ARHGAP6: variants seen among roughly 807,000 people sequenced by gnomAD.
ARHGAP6 encodes the protein rho GTPase-activating protein 6.
ARHGAP6 carries 16 observed loss-of-function variants against 55.7 expected under a neutral mutation model. The observed-to-expected ratio is 0.29, with a 90% CI of 0.19 to 0.44. The LOEUF (loss-of-function observed/expected upper bound fraction) is 0.44. Among genes scored for constraint, ARHGAP6 ranks in the 20% least tolerant of loss-of-function variants. The probability of loss-of-function intolerance (pLI) is 1.00; values close to 1 mark genes in which losing one functional copy is unlikely to be tolerated. For synonymous variants in ARHGAP6, 382 were observed against 360.9 expected, an observed-to-expected ratio of 1.06 and a Z score of -0.66; for missense variants, 698 against 808.9, an observed-to-expected ratio of 0.86 and a Z score of 1.66.
chrX:11,503,898 A>C (rs1309827535), intron 1 of ARHGAP6, among the ~76,000 whole-genome samples: 3 of 111,696 alleles, frequency 2.7e-5, no homozygotes, highest in Non-Finnish European at 3.8e-5. Context: ...ACACATGCAC[A>C]CACACATCTG....
intron 1 of ARHGAP6, among the ~76,000 whole-genome samples, chrX:11,567,203 C>T (rs2051451941): frequency 9.0e-6 from 1 of 111,374 alleles, no homozygotes; most frequent in African/African-American, 3.3e-5. Context: ...TTTGGGTTCT[C>T]CTACAAGTGG....
intron 1 of ARHGAP6, among the ~76,000 whole-genome samples, chrX:11,450,918 C>T (rs376574946): frequency 9.0e-6 from 1 of 111,528 alleles, no homozygotes; most frequent in South Asian, 3.8e-4. Context: ...ATTTCCCCAC[C>T]GCTGACCTCC....
intron 1 of ARHGAP6, among the ~76,000 whole-genome samples, chrX:11,483,659 TTTC>T (rs1319963074): frequency 1.7e-4 from 19 of 111,316 alleles, no homozygotes; most frequent in Non-Finnish European, 3.4e-4. Context: ...TTTTTTTTCT[TTTC>T]TTTTCACTTA....
At chrX:11,493,356 T>A (rs2050590672) in intron 1 of ARHGAP6, among the ~76,000 whole-genome samples, 1 of 111,647 alleles carries the variant, frequency 9.0e-6, no homozygotes, top group Non-Finnish European at 1.9e-5. Flanking sequence ...CCAGAGCCCA[T>A]CCCAAAAGCT....
chrX:11,293,277 T>G (rs2048025309), intron 1 of ARHGAP6: 1 of 112,361 alleles, frequency 8.9e-6, no homozygotes, highest in Admixed American at 9.4e-5. Flanking sequence ...TACAGCCTTA[T>G]GTCTGATCAT....
chrX:11,167,033 T>C (rs1290368380), intron 9 of ARHGAP6, among the ~76,000 whole-genome samples: 1 of 112,076 alleles, frequency 8.9e-6, no homozygotes, highest in Non-Finnish European at 1.9e-5. Flanking sequence ...AATTTCTCCA[T>C]GCCCAAATCT....
intron 2 of ARHGAP6, among the ~76,000 whole-genome samples, chrX:11,224,771 G>A (rs1298555462): frequency 9.0e-6 from 1 of 110,726 alleles, no homozygotes; most frequent in Non-Finnish European, 1.9e-5. Context: ...ATTGGGTGTT[G>A]GGTCCCTACA....
chrX:11,611,302 A>G lies in ARHGAP6; in HGVS notation c.588+52939T>C. 2.7e-5 allele frequency among the ~76,000 whole-genome samples: 3 copies of G among 112,460 alleles called. No homozygotes were observed. In the South Asian group the frequency reaches 1.1e-3, roughly 42 times the overall value. ...TTACTAAGAACCCATAATAAAAGACACTTTACAAGAGAATAGAAGACCTTG... is the reference window on the plus strand; with the variant it reads ...TTACTAAGAACCCATAATAAAAGACGCTTTACAAGAGAATAGAAGACCTTG... On this transcript the variant is annotated intron_variant, in intron 1 of 12. Coordinates refer to ENST00000337414, the MANE Select transcript of ARHGAP6 (RefSeq NM_013427.3).
chrX:11,273,712 T>G (rs752825548), intron 1 of ARHGAP6, among the ~76,000 whole-genome samples: 5 of 111,014 alleles, frequency 4.5e-5, no homozygotes, highest in Non-Finnish European at 7.6e-5. Context: ...CATAAAAATT[T>G]GTAGTCACCA....
intron 1 of ARHGAP6, among the ~76,000 whole-genome samples, chrX:11,350,883 A>G (rs1023572986): frequency 1.8e-5 from 2 of 111,364 alleles, no homozygotes; most frequent in African/African-American, 6.5e-5. Flanking sequence ...GGGGAAAAAA[A>G]TCTGTTAACT....
chrX:11,437,645 T>A (rs753449069), intron 1 of ARHGAP6, among the ~76,000 whole-genome samples: 49 of 112,259 alleles, frequency 4.4e-4, no homozygotes, highest in African/African-American at 1.3e-3. Flanking sequence ...GGGGTATTAA[T>A]TACATCTAAA....
At chrX:11,479,377 A>G (rs1218270390) in intron 1 of ARHGAP6, among the ~76,000 whole-genome samples, 1 of 112,404 alleles carries the variant, frequency 8.9e-6, no homozygotes, top group East Asian at 2.8e-4. Context: ...TGTTGGAGAC[A>G]CCTAGTAACA....
chrX:11,555,516 G>A (rs1446387274), intron 1 of ARHGAP6, among the ~76,000 whole-genome samples: 1 of 110,567 alleles, frequency 9.0e-6, no homozygotes, highest in Non-Finnish European at 1.9e-5. Context: ...CACTTTGAGA[G>A]GCCAAGGTGG....
chrX:11,515,919 G>T (rs1238183108), intron 1 of ARHGAP6, among the ~76,000 whole-genome samples: 1 of 112,514 alleles, frequency 8.9e-6, no homozygotes, highest in Non-Finnish European at 1.9e-5. Context: ...CCTCTGCATT[G>T]CCAGACCACC....
intron 1 of ARHGAP6, among the ~76,000 whole-genome samples, chrX:11,257,536 T>G (rs942613352): frequency 1.8e-4 from 20 of 112,346 alleles, no homozygotes; most frequent in African/African-American, 6.1e-4. Flanking sequence ...TCCCAACCTG[T>G]GAACTATAGC....
At chrX:11,412,826 G>GGTC (rs2049702901) in intron 1 of ARHGAP6, among the ~76,000 whole-genome samples, 1 of 112,208 alleles carries the variant, frequency 8.9e-6, no homozygotes, top group Non-Finnish European at 1.9e-5. Flanking sequence ...AATAACCCTT[G>GGTC]GTCAATGTGA....
intron 2 of ARHGAP6, chrX:11,225,602 C>G (rs999249976): frequency 3.4e-6 from 1 of 293,326 alleles, no homozygotes; most frequent in Non-Finnish European, 5.9e-6. Flanking sequence ...AAAGCTAATG[C>G]AGAATTATGT....
intron 1 of ARHGAP6, among the ~76,000 whole-genome samples, chrX:11,641,569 T>C (rs760304499): frequency 2.0e-4 from 22 of 111,688 alleles, no homozygotes; most frequent in Non-Finnish European, 3.4e-4. Context: ...GATGATGCAA[T>C]AAATTTGGTC....
chrX:11,508,315 C>T (rs928140184), intron 1 of ARHGAP6, among the ~76,000 whole-genome samples: 1 of 111,195 alleles, frequency 9.0e-6, no homozygotes, highest in Non-Finnish European at 1.9e-5. Flanking sequence ...AGCCACATCA[C>T]CTGGCTAATT....
Sources: allele counts gnomAD v4.1 joint callset (sites outside exome capture counted in the v4.1 genomes callset), GRCh38; gene constraint gnomAD v4.1.1; transcripts MANE v1.5; gene names NCBI Gene and HGNC (gene_info 2026-07-23, HGNC 2026-07-21).